WWOX: variants seen among roughly 807,000 people sequenced by gnomAD.
WWOX encodes the protein WW domain-containing oxidoreductase.
In WWOX, 69 loss-of-function variants were observed where a neutral mutation model predicts 46.2. That is an observed-to-expected ratio of 1.49 (90% CI 1.23 to 1.82). The LOEUF (loss-of-function observed/expected upper bound fraction) is 1.82, where lower values mean the gene tolerates loss of function less well. Among genes scored for constraint, WWOX ranks in the 40% most tolerant of loss-of-function variants. The probability of loss-of-function intolerance (pLI) is 0.00; values close to 1 mark genes in which losing one functional copy is unlikely to be tolerated. For synonymous variants in WWOX, 359 were observed against 202.6 expected, an observed-to-expected ratio of 1.77 and a Z score of -6.56; for missense variants, 919 against 542.6, an observed-to-expected ratio of 1.69 and a Z score of -6.89.
chr16:78,977,992 A>G (rs1481913278), intron 8 of WWOX, among the ~76,000 whole-genome samples: 1 of 152,224 alleles, frequency 6.6e-6, no homozygotes, highest in African/African-American at 2.4e-5. Flanking sequence ...TTTCCAAAAT[A>G]TTTGTATCTC....
chr16:78,596,795 T>C (rs1377618914), intron 8 of WWOX, among the ~76,000 whole-genome samples: 1 of 118,724 alleles, frequency 8.4e-6, no homozygotes, highest in Non-Finnish European at 1.8e-5. Flanking sequence ...ATGATATAAA[T>C]CAGCACGGTT....
chr16:78,721,717 T>C (rs2048696074), intron 8 of WWOX, among the ~76,000 whole-genome samples: 1 of 152,326 alleles, frequency 6.6e-6, no homozygotes, highest in African/African-American at 2.4e-5. Flanking sequence ...GCCAGTAGCA[T>C]CCTCACAGAG....
intron 8 of WWOX, among the ~76,000 whole-genome samples, chr16:78,594,318 G>A (rs1344372019): frequency 6.6e-6 from 1 of 150,434 alleles, no homozygotes; most frequent in Non-Finnish European, 1.5e-5. Context: ...TTTGTTTTCA[G>A]CAATACTCTC....
At chr16:78,745,787 C>G (rs2049334731) in intron 8 of WWOX, among the ~76,000 whole-genome samples, 1 of 151,332 alleles carries the variant, frequency 6.6e-6, no homozygotes, top group African/African-American at 2.4e-5. Flanking sequence ...CAAATAGTTC[C>G]AAGACCAGAG....
intron 5 of WWOX, among the ~76,000 whole-genome samples, chr16:78,366,336 A>G (rs2081536017): frequency 6.6e-6 from 1 of 152,216 alleles, no homozygotes; most frequent in African/African-American, 2.4e-5. Context: ...TCCTATGCCT[A>G]TCCACACATC....
chr16:78,240,456 C>T (rs374207752), intron 5 of WWOX, among the ~76,000 whole-genome samples: 52 of 152,254 alleles, frequency 3.4e-4, no homozygotes, highest in African/African-American at 8.7e-4. Flanking sequence ...CCCCCAGAAA[C>T]GAGGAGAGAA....
chr16:78,483,391 A>T (rs905999865), intron 8 of WWOX, among the ~76,000 whole-genome samples: 1 of 145,292 alleles, frequency 6.9e-6, no homozygotes, highest in Non-Finnish European at 1.5e-5. Flanking sequence ...TTTTTTTTTA[A>T]TACTTTTCTT....
At chr16:78,530,949 G>A (rs1370804759) in intron 8 of WWOX, among the ~76,000 whole-genome samples, 1 of 152,182 alleles carries the variant, frequency 6.6e-6, no homozygotes, top group African/African-American at 2.4e-5. Context: ...GTTGAGGGAT[G>A]AAAAAAGTTA....
intron 8 of WWOX, among the ~76,000 whole-genome samples, chr16:79,013,609 G>C (rs556085082): frequency 1.3e-5 from 2 of 152,242 alleles, no homozygotes; most frequent in East Asian, 3.9e-4. Flanking sequence ...CACTCACCAA[G>C]GGTTAGGTCC....
At chr16:78,745,838 G>A (rs1448202661) in intron 8 of WWOX, among the ~76,000 whole-genome samples, 1 of 151,838 alleles carries the variant, frequency 6.6e-6, no homozygotes, top group African/African-American at 2.4e-5. Context: ...CAGATAAAAT[G>A]GTTGGTGTAG....
intron 8 of WWOX, among the ~76,000 whole-genome samples, chr16:79,047,328 G>A (rs142840098): frequency 3.0e-4 from 45 of 152,258 alleles, no homozygotes; most frequent in African/African-American, 9.9e-4. Flanking sequence ...CCCTTGAGCC[G>A]CAATGCTGAA....
chr16:79,092,790 C>T (rs531269503), intron 8 of WWOX, among the ~76,000 whole-genome samples: 11 of 152,220 alleles, frequency 7.2e-5, no homozygotes, highest in African/African-American at 2.6e-4. Context: ...ACATATTATT[C>T]TATGGCTCCT....
chr16:78,282,709 T>C (rs927237087), intron 5 of WWOX, among the ~76,000 whole-genome samples: 4 of 151,828 alleles, frequency 2.6e-5, no homozygotes, highest in Admixed American at 2.6e-4. Flanking sequence ...AGACCCCATG[T>C]CTACTAAAAA....
chr16:78,579,703 A>G (rs745879031), intron 8 of WWOX, among the ~76,000 whole-genome samples: 65 of 152,198 alleles, frequency 4.3e-4, no homozygotes, highest in Admixed American at 1.3e-3. Flanking sequence ...GATAAGAACT[A>G]TGTGTGTTTT....
At chr16:78,746,922 C>G (rs1007853238) in intron 8 of WWOX, among the ~76,000 whole-genome samples, 24 of 152,146 alleles carry the variant, frequency 1.6e-4, no homozygotes, top group Admixed American at 6.5e-5. Context: ...GAATACACCA[C>G]TCCCCATCCC....
At chr16:79,035,183 A>G (rs2047841744) in intron 8 of WWOX, among the ~76,000 whole-genome samples, 1 of 152,154 alleles carries the variant, frequency 6.6e-6, no homozygotes, top group Admixed American at 6.5e-5. Context: ...TGCCACTTTA[A>G]TTTCCCTAGG....
At chr16:78,397,189 A>C (rs1464482306) in intron 6 of WWOX, among the ~76,000 whole-genome samples, 1 of 152,182 alleles carries the variant, frequency 6.6e-6, no homozygotes, top group South Asian at 2.1e-4. Context: ...TGAGCTTTGG[A>C]AATATTACCA....
intron 8 of WWOX, among the ~76,000 whole-genome samples, chr16:79,174,236 A>T (rs1283363590): frequency 1.3e-5 from 2 of 152,360 alleles, no homozygotes; most frequent in African/African-American, 4.8e-5. Flanking sequence ...TTGGCCACCA[A>T]TGCTGTACAC....
chr16:78,650,910 A>T (rs914937055), intron 8 of WWOX, among the ~76,000 whole-genome samples: 1 of 152,232 alleles, frequency 6.6e-6, no homozygotes, highest in African/African-American at 2.4e-5. Flanking sequence ...AATGGAATAG[A>T]GAAAAGGTGG....
Sources: gnomAD v4.1 joint callset for allele counts (sites outside exome capture counted in the v4.1 genomes callset) on GRCh38, gnomAD v4.1.1 for gene constraint, MANE v1.5 for transcripts, NCBI Gene and HGNC (gene_info 2026-07-23, HGNC 2026-07-21) for gene names.